The following SNTG1 variants were observed in gnomAD, a reference collection of about 807,000 sequenced individuals.
SNTG1 encodes the protein gamma-1-syntrophin.
In SNTG1, 39 loss-of-function variants were observed where a neutral mutation model predicts 74.7. The ratio of observed to expected loss-of-function variants is 0.52; its 90% confidence interval spans 0.40 to 0.68. The LOEUF is 0.68. Ranked by LOEUF, SNTG1 falls within the 30% of genes least tolerant of loss-of-function variation. The pLI is 0.00. For synonymous variants in SNTG1, 254 were observed against 217.1 expected (o/e 1.17, Z -1.49); for missense variants, 685 against 609.5 (o/e 1.12, Z -1.30).
chr8:49,933,452 T>C (rs1807777867), intron 1 of SNTG1, among the ~76,000 whole-genome samples: 1 of 152,120 alleles, frequency 6.6e-6, no homozygotes, highest in Admixed American at 6.5e-5. Context: ...AATTTAACAG[T>C]TTAGCTTTTC....
chr8:49,997,206 C>T (rs527462160), intron 1 of SNTG1, among the ~76,000 whole-genome samples: 2 of 152,188 alleles, frequency 1.3e-5, no homozygotes, highest in East Asian at 3.9e-4. Flanking sequence ...TATATGCATA[C>T]AATTGTCTTG....
intron 2 of SNTG1, among the ~76,000 whole-genome samples, chr8:50,272,724 A>G (rs567991507): frequency 1.6e-4 from 24 of 152,208 alleles, no homozygotes; most frequent in African/African-American, 5.5e-4. Flanking sequence ...TTTATATCAT[A>G]CAACTTGTAA....
At chr8:50,277,058 G>A (rs1220252376) in intron 2 of SNTG1, among the ~76,000 whole-genome samples, 1 of 152,014 alleles carries the variant, frequency 6.6e-6, no homozygotes, top group African/African-American at 2.4e-5. Flanking sequence ...TCGATCTCCT[G>A]ACCTTATGAT....
chr8:50,477,969 G>A (rs1191271226), intron 8 of SNTG1, among the ~76,000 whole-genome samples: 3 of 152,026 alleles, frequency 2.0e-5, no homozygotes, highest in Non-Finnish European at 4.4e-5. Flanking sequence ...ATGCTAATGG[G>A]CAATACATAT....
intron 8 of SNTG1, among the ~76,000 whole-genome samples, chr8:50,483,448 C>T (rs1426608426): frequency 6.6e-6 from 1 of 151,994 alleles, no homozygotes; most frequent in Non-Finnish European, 1.5e-5. Flanking sequence ...ACTGTTTTCT[C>T]TTGGTGGTAC....
intron 2 of SNTG1, among the ~76,000 whole-genome samples, chr8:50,372,236 T>G (rs1198969550): frequency 6.6e-6 from 1 of 151,650 alleles, no homozygotes; most frequent in Non-Finnish European, 1.5e-5. Flanking sequence ...GTGTGTGTGG[T>G]GGCATGCTTT....
intron 1 of SNTG1, among the ~76,000 whole-genome samples, chr8:50,046,173 C>T (rs1177382088): frequency 6.6e-6 from 1 of 152,180 alleles, no homozygotes; most frequent in Non-Finnish European, 1.5e-5. Flanking sequence ...CATTTTTCAA[C>T]CTTTAAATAT....
chr8:50,671,212 G>C (rs904884058), intron 15 of SNTG1, among the ~76,000 whole-genome samples: 4 of 151,990 alleles, frequency 2.6e-5, no homozygotes, highest in Non-Finnish European at 5.9e-5. Context: ...TTAAACTAAA[G>C]AGCTTCTGCA....
At chr8:50,113,674 G>A (rs2080696443) in intron 1 of SNTG1, among the ~76,000 whole-genome samples, 1 of 152,134 alleles carries the variant, frequency 6.6e-6, no homozygotes, top group African/African-American at 2.4e-5. Context: ...TTTTCAAAGG[G>A]AATGCTTCCA....
chr8:50,181,786 T>A (rs547489548), intron 2 of SNTG1, among the ~76,000 whole-genome samples: 4 of 152,326 alleles, frequency 2.6e-5, no homozygotes, highest in South Asian at 2.1e-4. Context: ...TGAAATGTGA[T>A]ATTATCTTTT....
At chr8:50,220,168 G>T (rs368201534) in intron 2 of SNTG1, among the ~76,000 whole-genome samples, 5 of 152,186 alleles carry the variant, frequency 3.3e-5, no homozygotes, top group South Asian at 2.1e-4. Flanking sequence ...TATTGATCAT[G>T]ATACCACAAT....
At chr8:50,357,556 A>G (rs1314681295) in intron 2 of SNTG1, among the ~76,000 whole-genome samples, 1 of 152,186 alleles carries the variant, frequency 6.6e-6, no homozygotes, top group Non-Finnish European at 1.5e-5. Context: ...TAGATTTTAT[A>G]TTATATTAAC....
intron 9 of SNTG1, among the ~76,000 whole-genome samples, chr8:50,509,054 G>A (rs2094038638): frequency 6.6e-6 from 1 of 152,078 alleles, no homozygotes; most frequent in Non-Finnish European, 1.5e-5. Flanking sequence ...ATGGTTTTAG[G>A]TCTAACATTT....
At chr8:50,341,654 C>G (rs761812680) in intron 2 of SNTG1, among the ~76,000 whole-genome samples, 2 of 151,800 alleles carry the variant, frequency 1.3e-5, no homozygotes, top group Non-Finnish European at 3.0e-5. Context: ...AAAATGTAAT[C>G]ATTTAATTCT....
chr8:50,483,686 T>G (rs554184340), intron 8 of SNTG1, among the ~76,000 whole-genome samples: 49 of 152,292 alleles, frequency 3.2e-4, no homozygotes, highest in African/African-American at 1.2e-3. Flanking sequence ...TCTACAATAT[T>G]TACTTCTTAG....
chr8:50,562,952 G>T (rs187840582), intron 12 of SNTG1, among the ~76,000 whole-genome samples: 1 of 152,166 alleles, frequency 6.6e-6, no homozygotes, highest in Non-Finnish European at 1.5e-5. Context: ...TCTGAGCAAG[G>T]ACTGTCTTTG....
chr8:50,446,609 T>A (rs1236270734), intron 5 of SNTG1, among the ~76,000 whole-genome samples: 1 of 151,996 alleles, frequency 6.6e-6, no homozygotes, highest in Non-Finnish European at 1.5e-5. Context: ...AACTGGGAAG[T>A]GGAGGTTGCA....
chr8:50,435,802 C>A (rs185867293), intron 4 of SNTG1, among the ~76,000 whole-genome samples: 91 of 152,190 alleles, frequency 6.0e-4, no homozygotes, highest in African/African-American at 2.1e-3. Flanking sequence ...TTTTGAGATT[C>A]TTTTGGTGGT....
At chr8:49,964,993 A>G (rs1811016432) in intron 1 of SNTG1, among the ~76,000 whole-genome samples, 1 of 152,234 alleles carries the variant, frequency 6.6e-6, no homozygotes, top group Non-Finnish European at 1.5e-5. Context: ...GCAAGTTAAA[A>G]TTAATGGCAT....
Sources: gnomAD v4.1 joint callset for allele counts (sites outside exome capture counted in the v4.1 genomes callset) on GRCh38, gnomAD v4.1.1 for gene constraint, MANE v1.5 for transcripts, NCBI Gene and HGNC (gene_info 2026-07-23, HGNC 2026-07-21) for gene names.